Variants in FRY observed in about 807,000 individuals in gnomAD.
FRY encodes FRY microtubule binding protein.
In FRY, 128 loss-of-function variants were observed where a neutral mutation model predicts 348.4. The ratio of observed to expected loss-of-function variants is 0.37; its 90% CI spans 0.32 to 0.43. The LOEUF is 0.43. Ranked by LOEUF, FRY falls within the 20% of genes least tolerant of loss-of-function variation. The pLI is 1.00. For missense variants in FRY, 2,736 were observed against 3,695.2 expected, an observed-to-expected ratio of 0.74 and a Z score of 6.73; for synonymous variants, 1,370 against 1,374.7, an observed-to-expected ratio of 1.00 and a Z score of 0.08.
chr13:32,121,166 CATTG>C (rs1878626482), intron 4 of FRY, among the ~76,000 whole-genome samples: 1 of 152,342 alleles, frequency 6.6e-6, no homozygotes, highest in Admixed American at 6.5e-5. Context: ...TTTATCCACT[CATTG>C]ATTGATGGGC....
rs538156600 is a variant in FRY, at chr13:32,103,300, G to A, written c.324+1284G>A. On this transcript the variant is annotated intron_variant, in intron 3 of 60. Transcript: ENST00000542859. The stretch of plus-strand genomic sequence containing the variant: ...CCTGGCAGGTGCTGAGGTGGTCAGA[G>A]ACCCTTGGTGAATACGGTATATGAT... Among the ~76,000 whole-genome samples the A allele has an allele frequency of 2.6e-5, 4 of 152,342 alleles. No individual in the cohort carries two copies. In the South Asian group the frequency reaches 8.3e-4, roughly 32 times the overall value.
At chr13:32,277,262 G>T (rs1203341459) in intron 57 of FRY, among the ~76,000 whole-genome samples, 2 of 152,188 alleles carry the variant, frequency 1.3e-5, no homozygotes, top group African/African-American at 4.8e-5. Flanking sequence ...TTATTTAACG[G>T]TTAGTGACCT....
At chr13:32,114,092 G>C (rs1186849023) in intron 3 of FRY, among the ~76,000 whole-genome samples, 1 of 152,182 alleles carries the variant, frequency 6.6e-6, no homozygotes, top group Non-Finnish European at 1.5e-5. Context: ...GCGGAACATT[G>C]CATGCATTGC....
At chr13:32,208,662 G>A (rs114610243) in intron 31 of FRY, among the ~76,000 whole-genome samples, 191 bp from the exon 32 acceptor site, 81 of 152,314 alleles carry the variant, frequency 5.3e-4, no homozygotes, top group African/African-American at 1.8e-3. Context: ...CCTGCACAGC[G>A]CACCAGATGT....
rs140343878 is a variant in FRY, at chr13:32,290,261, T to C, written c.8580+518T>C. On this transcript the variant is annotated intron_variant, in intron 59 of 60. Coordinates refer to ENST00000542859, the MANE Select transcript of FRY (RefSeq NM_023037.3). ...ATATTACTGCTGAGTGAGCCAAAAT[T>C]TTTCTACAAATGAAGAAATACTACT... Among the ~76,000 whole-genome samples the C allele has an allele frequency of 5.3e-5, 8 of 152,280 alleles. No individual in the cohort carries two copies. In the East Asian group the frequency reaches 1.2e-3, roughly 22 times the overall value.
At chr13:32,095,798 C>T (rs895894949) in intron 2 of FRY, among the ~76,000 whole-genome samples, 1 of 152,176 alleles carries the variant, frequency 6.6e-6, no homozygotes, top group Admixed American at 6.5e-5. Context: ...ATTTTGAGGT[C>T]TTAGATTTAC....
chr13:32,235,913 CT>C (rs1315453355), intron 42 of FRY, among the ~76,000 whole-genome samples, 164 bp from the exon 43 acceptor site: 2 of 152,194 alleles, frequency 1.3e-5, no homozygotes, highest in East Asian at 3.8e-4. Flanking sequence ...CTGCTAACTC[CT>C]AAGCCATCTG....
In FRY at chr13:32,224,331, C is replaced by T. The variant is rs932332988; in HGVS notation, c.4862C>T (p.Ala1621Val). ...LPMPCTGGCW[A>V]PLVDYLPETI... is the part of the protein sequence containing the mutation. ...ATGCCTTGTACTGGAGGATGCTGGGCCCCCCTGGTTGACTATCTCCCGGAG... is the reference window on the plus strand; with the variant it reads ...ATGCCTTGTACTGGAGGATGCTGGGTCCCCCTGGTTGACTATCTCCCGGAG... The change falls in exon 37 of 61, where the codon GCC (alanine) becomes GTC (valine). Residue 1621 changes from alanine (A) to valine (V), a missense_variant. Coordinates refer to ENST00000542859, the MANE Select transcript of FRY (RefSeq NM_023037.3). 3 of 1,613,552 alleles carry T rather than the reference C, an allele frequency of 1.9e-6. No individual in the cohort carries two copies. Among genetic ancestry groups the T allele is most frequent in the Non-Finnish European group, 2.5e-6 (3 of 1,179,546 alleles).
chr13:32,175,508 A>G, intron 19 of FRY, 38 bp from the exon 20 acceptor site: 1 of 1,288,176 alleles, frequency 7.8e-7, no homozygotes, highest in African/African-American at 1.5e-5. Flanking sequence ...GGGAGGATTC[A>G]TTTTCCCATA....
intron 59 of FRY, among the ~76,000 whole-genome samples, chr13:32,290,768 G>A (rs1284645621): frequency 2.6e-5 from 4 of 152,012 alleles, no homozygotes; most frequent in Non-Finnish European, 4.4e-5. Context: ...TAGGTATGGA[G>A]AGGAGGAAGG....
intron 2 of FRY, among the ~76,000 whole-genome samples, chr13:32,080,645 C>T (rs552659452): frequency 1.3e-5 from 2 of 152,324 alleles, no homozygotes; most frequent in South Asian, 4.1e-4. Flanking sequence ...TCCAAAGTCC[C>T]ATTGCCCAGA....
At chr13:32,100,571 C>G (rs1056674039) in intron 2 of FRY, among the ~76,000 whole-genome samples, 5 of 150,988 alleles carry the variant, frequency 3.3e-5, no homozygotes, top group Admixed American at 6.6e-5. Context: ...ATGAGTAAAT[C>G]AAGCTAATTA....
Position 32,192,889 on chromosome 13 carries a change from G to A in FRY, c.3592-1254G>A, listed in dbSNP as rs952347069. 2.4e-4 allele frequency among the ~76,000 whole-genome samples: 36 copies of A among 151,772 alleles called. 1 individual carries two copies. The Middle Eastern group carries it at 0.01, about 43-fold the overall frequency. On this transcript the variant is annotated intron_variant, in intron 28 of 60. Coordinates refer to ENST00000542859, the MANE Select transcript of FRY (RefSeq NM_023037.3). ...CTCCCCAGTAGCTGGGATTACAGGCGCACACCACCATGTCCAGCTAATTTT... is the reference window on the plus strand; with the variant it reads ...CTCCCCAGTAGCTGGGATTACAGGCACACACCACCATGTCCAGCTAATTTT...
chr13:32,042,028 C>A (rs1335018918), intron 1 of FRY, among the ~76,000 whole-genome samples: 2 of 152,118 alleles, frequency 1.3e-5, no homozygotes, highest in African/African-American at 2.4e-5. Context: ...TCAAAAAATC[C>A]ATTTTATCTT....
At chr13:32,097,870 T>C (rs887646597) in intron 2 of FRY, among the ~76,000 whole-genome samples, 7 of 151,920 alleles carry the variant, frequency 4.6e-5, no homozygotes, top group African/African-American at 1.5e-4. Flanking sequence ...TTGAATGTAC[T>C]TAGTGCCACT....
intron 2 of FRY, chr13:32,085,762 A>G (rs942941756): frequency 6.7e-5 from 29 of 432,662 alleles, no homozygotes; most frequent in Non-Finnish European, 1.3e-4. Context: ...TCACGCAAAC[A>G]TAATGGAGGC....
chr13:32,198,019 C>T (rs187733099), intron 29 of FRY, among the ~76,000 whole-genome samples: 18 of 152,332 alleles, frequency 1.2e-4, no homozygotes, highest in Admixed American at 1.2e-3. Flanking sequence ...CTGTTTTCAA[C>T]ATCTAAGTAC....
intron 1 of FRY, among the ~76,000 whole-genome samples, chr13:32,037,666 A>G (rs1246622389): frequency 6.6e-6 from 1 of 152,242 alleles, no homozygotes; most frequent in Non-Finnish European, 1.5e-5. Flanking sequence ...CAGCTGAGAC[A>G]TTTGAGAAAG....
At position 32,062,755 on chromosome 13, in the gene FRY, C is replaced by T. The variant is rs915865629; in HGVS notation, c.71-16079C>T. On this transcript the variant is annotated intron_variant, in intron 1 of 60. Transcript: ENST00000542859. ...AAAAAGATTTCACTTATTCACTTAA[C>T]TCATCATTGAATAAATGTTTATTGA... Among the ~76,000 whole-genome samples the T allele has an allele frequency of 5.9e-5, 9 of 152,036 alleles. 1 individual carries two copies. The highest frequency in any genetic ancestry group is 5.9e-4 in the Admixed American group (9 of 15,264).
Sources: allele counts gnomAD v4.1 joint callset (sites outside exome capture counted in the v4.1 genomes callset), GRCh38; gene constraint gnomAD v4.1.1; transcripts MANE v1.5; gene names NCBI Gene and HGNC (gene_info 2026-07-23, HGNC 2026-07-21).